The following NME7 variants were observed in gnomAD, a reference collection of about 807,000 sequenced individuals.
The protein encoded by NME7 is NME/NM23 family member 7.
NME7 carries 41 observed loss-of-function variants against 49.1 expected under a neutral mutation model. The observed-to-expected ratio is 0.83, with a 90% CI of 0.65 to 1.08. The LOEUF is 1.08. NME7 is among the 50% of genes least tolerant of loss of function. NME7 has a pLI of 0.00. For missense variants in NME7, 423 were observed against 463.4 expected, an observed-to-expected ratio of 0.91 and a Z score of 0.80; for synonymous variants, 139 against 150.6, an observed-to-expected ratio of 0.92 and a Z score of 0.56.
intron 6 of NME7, among the ~76,000 whole-genome samples, chr1:169,289,988 T>C (rs1235169349): frequency 6.6e-6 from 1 of 152,054 alleles, no homozygotes; most frequent in East Asian, 1.9e-4. Context: ...CTTTTACATT[T>C]TCCTAAATTC....
At chr1:169,362,919 T>C (rs116160263) in intron 1 of NME7, among the ~76,000 whole-genome samples, 21 of 152,258 alleles carry the variant, frequency 1.4e-4, no homozygotes, top group African/African-American at 5.1e-4. Flanking sequence ...CTGCAGGCCT[T>C]GAGATTTCAA....
chr1:169,164,176 T>C (rs1030643018), intron 11 of NME7, among the ~76,000 whole-genome samples: 4 of 151,468 alleles, frequency 2.6e-5, no homozygotes, highest in African/African-American at 9.7e-5. Flanking sequence ...GAAAACTGGC[T>C]AGGTGATTCT....
intron 11 of NME7, among the ~76,000 whole-genome samples, chr1:169,151,485 T>C (rs1458921643): frequency 6.6e-6 from 1 of 152,102 alleles, no homozygotes; most frequent in African/African-American, 2.4e-5. Context: ...GTGGAGGGAT[T>C]CCAATGAATC....
chr1:169,296,026 C>G (rs1164121490), intron 6 of NME7, among the ~76,000 whole-genome samples: 2 of 152,014 alleles, frequency 1.3e-5, no homozygotes, highest in South Asian at 2.1e-4. Context: ...ATTGCTCCAA[C>G]AAGTCTTCCT....
chr1:169,224,365 C>G (rs1177858661), intron 10 of NME7, among the ~76,000 whole-genome samples: 1 of 152,182 alleles, frequency 6.6e-6, no homozygotes, highest in Admixed American at 6.5e-5. Context: ...ATGCTTACCC[C>G]ACCTGGGCTC....
intron 7 of NME7, among the ~76,000 whole-genome samples, chr1:169,239,706 C>T (rs1648001585): frequency 6.6e-6 from 1 of 151,926 alleles, no homozygotes; most frequent in Non-Finnish European, 1.5e-5. Flanking sequence ...GAGGTTAGAA[C>T]TGAAATGATG....
intron 11 of NME7, among the ~76,000 whole-genome samples, chr1:169,149,839 G>C (rs1490736886): frequency 1.3e-5 from 2 of 152,192 alleles, no homozygotes; most frequent in East Asian, 3.8e-4. Flanking sequence ...ACAGTTGATT[G>C]AGAGTAACTG....
At chr1:169,296,445 A>G (rs74121609) in intron 6 of NME7, among the ~76,000 whole-genome samples, 1,665 of 138,804 alleles carry the variant, frequency 0.012, 43 homozygotes, top group African/African-American at 0.043. Flanking sequence ...CTCCTCTTCA[A>G]CCTCCTTTGC....
At chr1:169,246,874 T>G in intron 7 of NME7, 2 of 365,662 alleles carry the variant, frequency 5.5e-6, no homozygotes, top group South Asian at 2.1e-5. Context: ...CCACTGCATC[T>G]GGTCCAGTAT....
chr1:169,268,786 AG>A (rs1649396491), intron 7 of NME7, among the ~76,000 whole-genome samples: 1 of 132,460 alleles, frequency 7.5e-6, no homozygotes, highest in South Asian at 2.3e-4. Flanking sequence ...AGCCTTCTTA[AG>A]GGTGGAGGAT....
intron 11 of NME7, among the ~76,000 whole-genome samples, chr1:169,162,136 C>T (rs1255243705): frequency 6.6e-6 from 1 of 152,214 alleles, no homozygotes; most frequent in East Asian, 1.9e-4. Context: ...AGCCCTTGCC[C>T]ACCAAATTGT....
chr1:169,198,090 A>G (rs183319845), intron 10 of NME7, among the ~76,000 whole-genome samples: 23 of 152,236 alleles, frequency 1.5e-4, no homozygotes, highest in Non-Finnish European at 3.1e-4. Context: ...ATGGCCAATA[A>G]GCACATAAAA....
intron 7 of NME7, among the ~76,000 whole-genome samples, chr1:169,278,400 C>A (rs984264272): frequency 6.6e-6 from 1 of 152,050 alleles, no homozygotes; most frequent in Non-Finnish European, 1.5e-5. Flanking sequence ...TTATTCTTTT[C>A]TCTCTAAACT....
chr1:169,303,039 C>T (rs1336061043), intron 5 of NME7, 106 bp downstream of exon 5: 3 of 665,328 alleles, frequency 4.5e-6, no homozygotes, highest in Non-Finnish European at 8.0e-6. Flanking sequence ...GTTGCTATGG[C>T]CCTTTTGACA....
chr1:169,216,087 T>C (rs772468624), intron 10 of NME7, among the ~76,000 whole-genome samples: 9 of 152,256 alleles, frequency 5.9e-5, no homozygotes, highest in African/African-American at 1.9e-4. Context: ...TTGTGAAATA[T>C]ACATTTGATC....
At position 169,324,437 on chromosome 1, in the gene NME7, G is replaced by A. The variant is rs755169173; in HGVS notation, c.67C>T (p.Arg23Cys). ...CCTGGGTAAAATAAAAGCTCATAAC[G>A]TCGAAGAAGTGAAGCATTTGGATCA... The part of the protein sequence containing the change: ...WYDPNASLLR[R>C]YELLFYPGDG... The change falls in exon 2 of 12, where the codon CGT becomes TGT. Residue 23 changes from arginine to cysteine, a missense_variant. Coordinates refer to ENST00000367811, the MANE Select transcript of NME7 (RefSeq NM_013330.5). 20 of 1,613,166 alleles carry A rather than the reference G, an allele frequency of 1.2e-5. No individual in the cohort carries two copies. The African/African-American group carries it at 1.3e-4, about 11-fold the overall frequency.
intron 1 of NME7, among the ~76,000 whole-genome samples, chr1:169,334,163 T>A (rs958617338): frequency 6.6e-6 from 1 of 150,400 alleles, no homozygotes. Context: ...AACTAGTCAA[T>A]CTATTTCAAG....
chr1:169,253,021 C>T (rs1052293199), intron 7 of NME7, among the ~76,000 whole-genome samples: 1 of 150,314 alleles, frequency 6.7e-6, no homozygotes, highest in Non-Finnish European at 1.5e-5. Context: ...GTTCTTTTGG[C>T]TTAGGATTGA....
chr1:169,252,881 G>C (rs1417015911), intron 7 of NME7, among the ~76,000 whole-genome samples: 1 of 149,350 alleles, frequency 6.7e-6, no homozygotes, highest in African/African-American at 2.5e-5. Context: ...TAGATATGCG[G>C]TGTTATTTCT....
Sources: gnomAD v4.1 joint callset for allele counts (sites outside exome capture counted in the v4.1 genomes callset) on GRCh38, gnomAD v4.1.1 for gene constraint, MANE v1.5 for transcripts, NCBI Gene and HGNC (gene_info 2026-07-23, HGNC 2026-07-21) for gene names.